Variants in ANKS1B observed in about 807,000 individuals in gnomAD.
The protein encoded by ANKS1B is ankyrin repeat and sterile alpha motif domain-containing protein 1B.
Under a neutral mutation model 148.3 loss-of-function variants are expected in ANKS1B, and 36 were observed. The ratio of observed to expected loss-of-function variants is 0.24; its 90% CI spans 0.19 to 0.32. The LOEUF (loss-of-function observed/expected upper bound fraction) is 0.32. Ranked by LOEUF, ANKS1B falls within the 10% of genes least tolerant of loss-of-function variation. ANKS1B has a pLI of 1.00. For synonymous variants in ANKS1B, 542 were observed against 560.8 expected, an observed-to-expected ratio of 0.97 and a Z score of 0.47; for missense variants, 1,157 against 1,542.6, an observed-to-expected ratio of 0.75 and a Z score of 4.19.
rs373186209 is a variant in ANKS1B at position 98,840,219 on chromosome 12, G to T, written c.2779-8083C>A. Reference sequence around the variant, plus strand: ...TTTGGCACCTTAATTCCTACACACAGTCTTGCCACGGGTGATGCAAAACTT... The same window carrying T: ...TTTGGCACCTTAATTCCTACACACATTCTTGCCACGGGTGATGCAAAACTT... On this transcript the variant is annotated intron_variant, in intron 17 of 26. Coordinates refer to ENST00000683438, the MANE Select transcript of ANKS1B (RefSeq NM_001352186.2). 1.8e-3 allele frequency among the ~76,000 whole-genome samples: 270 copies of T among 152,204 alleles called. 2 individuals are homozygous for T. The highest frequency in any genetic ancestry group is 6.3e-3 in the African/African-American group (261 of 41,536).
chr12:99,939,649 G>T (rs1277956621), intron 1 of ANKS1B, among the ~76,000 whole-genome samples: 4 of 152,108 alleles, frequency 2.6e-5, no homozygotes, highest in Non-Finnish European at 5.9e-5. Flanking sequence ...TCAGGATCAA[G>T]GTAACTAAAA....
intron 10 of ANKS1B, among the ~76,000 whole-genome samples, chr12:99,463,747 C>T (rs920111039): frequency 3.0e-4 from 45 of 152,312 alleles, no homozygotes; most frequent in African/African-American, 1.0e-3. Context: ...GAGGGGCGCC[C>T]GCCATTGCCC....
rs576342680 is a variant in ANKS1B at position 99,659,565 on chromosome 12, AC to A, written c.1129-4356del. Among the ~76,000 whole-genome samples the A allele has an allele frequency of 1.2e-3, 184 of 152,236 alleles. 1 individual carries two copies. Among genetic ancestry groups the A allele is most frequent in the African/African-American group, 4.2e-3 (176 of 41,552 alleles). On this transcript the variant is annotated intron_variant, in intron 8 of 26. Coordinates refer to ENST00000683438, the MANE Select transcript of ANKS1B (RefSeq NM_001352186.2). Reference sequence around the variant, plus strand: ...CAAACTTGAGCTCAATCAAAGAAAAACACTTTTGAGAATAATTATATTAGTC... The same window carrying A: ...CAAACTTGAGCTCAATCAAAGAAAAAACTTTTGAGAATAATTATATTAGTC...
intron 17 of ANKS1B, among the ~76,000 whole-genome samples, chr12:98,971,923 T>C (rs992774808): frequency 6.6e-6 from 1 of 152,108 alleles, no homozygotes; most frequent in Non-Finnish European, 1.5e-5. Context: ...ATTCTGGCAC[T>C]CTGGGAGGCT....
intron 1 of ANKS1B, among the ~76,000 whole-genome samples, chr12:99,850,946 C>T (rs930031748): frequency 3.9e-5 from 6 of 152,000 alleles, no homozygotes; most frequent in Non-Finnish European, 8.8e-5. Context: ...CAATAACATG[C>T]TCTTCCTATT....
At chr12:99,462,810 G>A (rs956900567) in intron 10 of ANKS1B, among the ~76,000 whole-genome samples, 6 of 152,184 alleles carry the variant, frequency 3.9e-5, no homozygotes, top group African/African-American at 1.2e-4. Context: ...TCCCTGTGGA[G>A]GTCATGAGTT....
intron 17 of ANKS1B, among the ~76,000 whole-genome samples, chr12:98,916,276 G>A (rs1181639081): frequency 5.3e-5 from 8 of 152,318 alleles, no homozygotes; most frequent in East Asian, 1.9e-4. Flanking sequence ...ATGTCACAGC[G>A]GAATATACAA....
chr12:99,382,966 C>T (rs1593556582), intron 12 of ANKS1B, among the ~76,000 whole-genome samples: 1 of 152,024 alleles, frequency 6.6e-6, no homozygotes, highest in South Asian at 2.1e-4. Context: ...CCCCCTCCCA[C>T]CCACTTCCCT....
At chr12:99,104,164 G>A (rs2058631215) in intron 15 of ANKS1B, among the ~76,000 whole-genome samples, 1 of 152,156 alleles carries the variant, frequency 6.6e-6, no homozygotes, top group African/African-American at 2.4e-5. Flanking sequence ...AGGGTAGGCA[G>A]ATCTATGAGG....
chr12:98,846,032 A>ATATATATG (rs2099463930), intron 17 of ANKS1B, among the ~76,000 whole-genome samples: 1 of 151,496 alleles, frequency 6.6e-6, no homozygotes, highest in Non-Finnish European at 1.5e-5. Flanking sequence ...ACACATATAT[A>ATATATATG]TATATGTATA....
At chr12:99,732,549 G>T (rs998529446) in intron 8 of ANKS1B, among the ~76,000 whole-genome samples, 1 of 152,152 alleles carries the variant, frequency 6.6e-6, no homozygotes, top group African/African-American at 2.4e-5. Flanking sequence ...AAATTATAGT[G>T]ATAGAAAACA....
At chr12:99,629,914 G>A (rs930482860) in intron 9 of ANKS1B, among the ~76,000 whole-genome samples, 1 of 152,018 alleles carries the variant, frequency 6.6e-6, no homozygotes, top group African/African-American at 2.4e-5. Flanking sequence ...CTGACAAAAG[G>A]TACATACCTT....
chr12:98,783,072 G>A (rs1017486941), intron 22 of ANKS1B, among the ~76,000 whole-genome samples: 7 of 152,216 alleles, frequency 4.6e-5, no homozygotes, highest in African/African-American at 1.7e-4. Flanking sequence ...CGTCACAGTG[G>A]ATTTCGGTAA....
rs115148399 is a variant in ANKS1B at position 99,210,770 on chromosome 12, G to T, written c.2419+33572C>A. 8.6e-3 allele frequency among the ~76,000 whole-genome samples: 1,308 copies of T among 152,250 alleles called. 23 individuals are homozygous for T. The highest frequency in any genetic ancestry group is 0.03 in the African/African-American group (1,256 of 41,550). ...GTTCTATTCAATTTTAGTTGGTTTG[G>T]TTCATTAAGACCCTGGCTAAGGTGC... is the stretch of plus-strand genomic sequence containing the variant. On this transcript the variant is annotated intron_variant, in intron 14 of 26. Coordinates refer to ENST00000683438, the MANE Select transcript of ANKS1B (RefSeq NM_001352186.2).
intron 19 of ANKS1B, among the ~76,000 whole-genome samples, chr12:98,809,018 A>C (rs528918798): frequency 1.8e-4 from 27 of 152,158 alleles, no homozygotes; most frequent in Non-Finnish European, 3.4e-4. Flanking sequence ...TCCTCACCCC[A>C]GAAACGCTCA....
chr12:98,818,821 T>C (rs1238743331), intron 19 of ANKS1B, among the ~76,000 whole-genome samples: 2 of 152,238 alleles, frequency 1.3e-5, no homozygotes, highest in African/African-American at 2.4e-5. Flanking sequence ...ACTGTTTGTT[T>C]CCTGCTTCTG....
At chr12:98,810,773 C>A (rs1247212052) in intron 19 of ANKS1B, among the ~76,000 whole-genome samples, 1 of 152,240 alleles carries the variant, frequency 6.6e-6, no homozygotes, top group East Asian at 1.9e-4. Context: ...GGGCAGACTG[C>A]ATCACTTCCT....
chr12:99,457,621 G>T (rs560813697), intron 10 of ANKS1B, among the ~76,000 whole-genome samples: 1 of 152,234 alleles, frequency 6.6e-6, no homozygotes, highest in South Asian at 2.1e-4. Context: ...GCAAGCAGGA[G>T]TAGCTGTTCT....
chr12:99,088,463 AT>A (rs1178430902), intron 15 of ANKS1B, among the ~76,000 whole-genome samples: 3 of 152,152 alleles, frequency 2.0e-5, no homozygotes, highest in African/African-American at 7.2e-5. Flanking sequence ...ATAAATATAG[AT>A]TGTATATTTT....
Sources: allele counts gnomAD v4.1 joint callset (sites outside exome capture counted in the v4.1 genomes callset), GRCh38; gene constraint gnomAD v4.1.1; transcripts MANE v1.5; gene names NCBI Gene and HGNC (gene_info 2026-07-23, HGNC 2026-07-21).